Variants in OCLN observed in about 807,000 individuals in gnomAD.
OCLN encodes phosphatase 1, regulatory subunit 115.
In OCLN, 21 loss-of-function variants were observed where a neutral mutation model predicts 47.9. That is an observed-to-expected ratio of 0.44 (90% CI 0.31 to 0.63). The LOEUF is 0.63. OCLN is among the 30% of genes least tolerant of loss of function. The pLI is 0.08. For synonymous variants in OCLN, 117 were observed against 198.4 expected, an observed-to-expected ratio of 0.59 and a Z score of 3.45; for missense variants, 360 against 571.0, an observed-to-expected ratio of 0.63 and a Z score of 3.77.
At chr5:69,512,808 AC>A (rs1768823251) in intron 3 of OCLN, among the ~76,000 whole-genome samples, 1 of 152,292 alleles carries the variant, frequency 6.6e-6, no homozygotes, top group South Asian at 2.1e-4. Context: ...GAGTTGAGAA[AC>A]CTACTTTAGT....
At chr5:69,520,982 G>T (rs887798792) in intron 4 of OCLN, among the ~76,000 whole-genome samples, 9 of 152,058 alleles carry the variant, frequency 5.9e-5, no homozygotes, top group African/African-American at 2.2e-4. Flanking sequence ...TGAGTAGCTG[G>T]GATTACAGGC....
Position 69,553,673 on chromosome 5 carries a change from A to G in OCLN, c.*2A>G. The stretch of plus-strand genomic sequence containing the variant: ...GACTATGATAGACAGAAAACATAGA[A>G]GGCTGATGCCAAGTTGTTTGAGAAA... On this transcript the variant is annotated 3_prime_UTR_variant, in exon 9 of 9. Transcript: ENST00000396442. The G allele has an allele frequency of 1.2e-6, 2 of 1,612,832 alleles. No homozygotes were observed. Among genetic ancestry groups the G allele is most frequent in the Middle Eastern group, 1.7e-4 (1 of 6,058 alleles).
Position 69,509,437 on chromosome 5 carries a change from G to GTGGCTA in OCLN, c.363_368dup (p.Tyr128_Gly129dup), listed in dbSNP as rs755910661. 1.5e-5 allele frequency: 25 copies of GTGGCTA among 1,614,072 alleles called. No individual in the cohort carries two copies. Among genetic ancestry groups the GTGGCTA allele is most frequent in the East Asian group, 4.5e-5 (2 of 44,896 alleles). On this transcript the variant is annotated inframe_insertion, in exon 3 of 9. Coordinates refer to ENST00000396442, the MANE Select transcript of OCLN (RefSeq NM_001205254.2). ...GGAAGTGGCTTTGGTAGCTACGGAA[G>GTGGCTA]TGGCTATGGCTATGGCTATGGTTAT...
rs572597043 is a variant in OCLN, at chr5:69,517,231, C to G, written c.891+3122C>G. Among the ~76,000 whole-genome samples, 4 of 151,770 alleles carry G rather than the reference C, an allele frequency of 2.6e-5. No homozygotes were observed. In the South Asian group the frequency reaches 8.3e-4, roughly 32 times the overall value. On this transcript the variant is annotated intron_variant, in intron 4 of 8. Transcript: ENST00000396442. ...TTCCCAGGAAGGTTTATTTTGGCCA[C>G]TGGGAGTGGGGTGGCTAAAGATGGA...
intron 4 of OCLN, among the ~76,000 whole-genome samples, chr5:69,519,369 C>T (rs1173203598): frequency 6.6e-6 from 1 of 152,084 alleles, no homozygotes; most frequent in East Asian, 1.9e-4. Flanking sequence ...AGTTTTATCC[C>T]TTTTGTATAA....
chr5:69,507,239 A>G (rs997768744), intron 2 of OCLN, among the ~76,000 whole-genome samples: 1 of 152,056 alleles, frequency 6.6e-6, no homozygotes, highest in African/African-American at 2.4e-5. Flanking sequence ...GATTCAAGCA[A>G]TTCTCCTGCC....
At position 69,527,634 on chromosome 5, in the gene OCLN, A is replaced by C. The variant is rs552292933; in HGVS notation, c.892-7060A>C. ...TTAGAACATAGTGTATGGTTAGGAC[A>C]AATGTAGGGGTGTGGGATTTAACCC... On this transcript the variant is annotated intron_variant, in intron 4 of 8. Coordinates refer to ENST00000396442, the MANE Select transcript of OCLN (RefSeq NM_001205254.2). 5.3e-5 allele frequency among the ~76,000 whole-genome samples: 8 copies of C among 152,320 alleles called. No individual in the cohort carries two copies. In the South Asian group the frequency reaches 1.7e-3, roughly 32 times the overall value.
At chr5:69,511,243 T>TC (rs1768776547) in intron 3 of OCLN, among the ~76,000 whole-genome samples, 1 of 148,678 alleles carries the variant, frequency 6.7e-6, no homozygotes, top group African/African-American at 2.5e-5. Context: ...CCCAGCTAAT[T>TC]TTTTTTTTTT....
intron 2 of OCLN, among the ~76,000 whole-genome samples, chr5:69,508,476 G>C (rs769998010): frequency 2.0e-5 from 3 of 152,086 alleles, no homozygotes; most frequent in African/African-American, 7.2e-5. Flanking sequence ...GAGTAGCTGG[G>C]ATTACAGGCG....
intron 7 of OCLN, among the ~76,000 whole-genome samples, chr5:69,549,416 A>G (rs1436507733): frequency 6.7e-6 from 1 of 148,432 alleles, no homozygotes; most frequent in Non-Finnish European, 1.5e-5. Flanking sequence ...CTTAAATCCT[A>G]CCATCAAGAA....
rs112310732 is a variant in OCLN at position 69,519,771 on chromosome 5, A to G, written c.891+5662A>G. On this transcript the variant is annotated intron_variant, in intron 4 of 8. Transcript: ENST00000396442. ...GTTCCGGGACCCCCATGTATACCCA[A>G]ATCCATGCATATTCAAGTCCTGTAG... is the stretch of plus-strand genomic sequence containing the variant. 8.7e-3 allele frequency among the ~76,000 whole-genome samples: 1,330 copies of G among 152,182 alleles called. 20 individuals carry two copies. Among genetic ancestry groups the G allele is most frequent in the African/African-American group, 0.031 (1,288 of 41,494 alleles).
At chr5:69,501,645 G>A (rs1768461841) in intron 1 of OCLN, among the ~76,000 whole-genome samples, 1 of 148,778 alleles carries the variant, frequency 6.7e-6, no homozygotes, top group Non-Finnish European at 1.5e-5. Context: ...AAAAAAAAAA[G>A]TATAGAGAAA....
chr5:69,522,876 G>T (rs1769177715), intron 4 of OCLN, among the ~76,000 whole-genome samples: 1 of 148,670 alleles, frequency 6.7e-6, no homozygotes, highest in Non-Finnish European at 1.5e-5. Context: ...ACAGACATGT[G>T]CCGCTATGCC....
At chr5:69,494,373 G>A (rs771147185) in intron 1 of OCLN, among the ~76,000 whole-genome samples, 10 of 152,164 alleles carry the variant, frequency 6.6e-5, no homozygotes, top group Non-Finnish European at 1.3e-4. Context: ...TTTTAGTAGA[G>A]ACAGGGTTTT....
Position 69,509,257 on chromosome 5 carries a change from A to G in OCLN, c.167A>G (p.Tyr56Cys), listed in dbSNP as rs1768698081. Residue 56 changes from tyrosine to cysteine, a missense_variant, in exon 3 of 9, where the codon TAC (tyrosine) becomes TGC (cysteine). This residue lies in a region of OCLN where 314 missense variants were observed against 368.1 expected (regional missense o/e 0.85). Coordinates refer to ENST00000396442, the MANE Select transcript of OCLN (RefSeq NM_001205254.2). ...FYPEDEILHF[Y>C]KWTSPPGVIR... is the part of the protein sequence containing the mutation. ...CCAGAAGATGAAATTCTTCACTTCT[A>G]CAAATGGACCTCTCCTCCAGGAGTG... 3.7e-6 allele frequency: 6 copies of G among 1,614,206 alleles called. No individual in the cohort carries two copies. The highest frequency in any genetic ancestry group is 5.1e-6 in the Non-Finnish European group (6 of 1,180,024).
intron 7 of OCLN, among the ~76,000 whole-genome samples, chr5:69,548,318 T>G (rs1769763300): frequency 6.9e-6 from 1 of 145,882 alleles, no homozygotes; most frequent in African/African-American, 2.5e-5. Context: ...CTATTCTGTT[T>G]TTTTTTTTTT....
rs150730577 is a variant in OCLN, at chr5:69,509,474, C to A, written c.384C>A (p.Tyr128Ter). ...ATGGCTATGGTTATGGCTATGGCTA[C>A]GGAGGCTATACAGACCCAAGAGCAG... ...YGYGYGYGYG[Y>*]GGYTDPRAAK... Residue 128 changes from tyrosine to a stop codon, truncating the protein, a stop_gained, in exon 3 of 9, where the codon TAC becomes TAA. Transcript: ENST00000396442. LOFTEE classifies it high-confidence loss of function. 1.9e-6 allele frequency: 3 copies of A among 1,614,000 alleles called. No individual in the cohort carries two copies. In the African/African-American group the frequency reaches 4.0e-5, roughly 22 times the overall value.
chr5:69,524,383 T>C (rs1769222244), intron 4 of OCLN, among the ~76,000 whole-genome samples: 1 of 152,224 alleles, frequency 6.6e-6, no homozygotes, highest in African/African-American at 2.4e-5. Flanking sequence ...CTATCTAGAA[T>C]TTTGAGTTTA....
intron 4 of OCLN, among the ~76,000 whole-genome samples, chr5:69,532,974 A>AT (rs201177424): frequency 0.12 from 14,585 of 123,296 alleles, 824 homozygotes; most frequent in Middle Eastern, 0.15. Context: ...TCTCAAAAAA[A>AT]ATATATATAT....
Sources: allele counts gnomAD v4.1 joint callset (sites outside exome capture counted in the v4.1 genomes callset), GRCh38; gene constraint gnomAD v4.1.1; regional missense constraint gnomAD v4.1.1; transcripts MANE v1.5; gene names NCBI Gene and HGNC (gene_info 2026-07-23, HGNC 2026-07-21).